LCORL: variants seen among roughly 807,000 people sequenced by gnomAD.
The protein encoded by LCORL is ligand-dependent nuclear receptor corepressor-like protein.
Under a neutral mutation model 141.8 loss-of-function variants are expected in LCORL, and 41 were observed. The observed-to-expected ratio is 0.29, with a 90% CI of 0.23 to 0.38. The LOEUF (loss-of-function observed/expected upper bound fraction) is 0.38, where lower values mean the gene tolerates loss of function less well. Among genes scored for constraint, LCORL ranks in the 10% least tolerant of loss-of-function variants. LCORL has a pLI of 1.00. For missense variants in LCORL, 1,759 were observed against 2,035.0 expected, an observed-to-expected ratio of 0.86 and a Z score of 2.61; for synonymous variants, 618 against 694.1, an observed-to-expected ratio of 0.89 and a Z score of 1.72.
At chr4:17,901,910 G>A (rs1170773109) in intron 5 of LCORL, among the ~76,000 whole-genome samples, 4 of 152,034 alleles carry the variant, frequency 2.6e-5, no homozygotes, top group Admixed American at 2.6e-4. Flanking sequence ...AACTAAATAT[G>A]AGTAAGAATA....
chr4:17,951,337 C>T (rs897370942), intron 4 of LCORL, among the ~76,000 whole-genome samples: 5 of 152,300 alleles, frequency 3.3e-5, no homozygotes, highest in Middle Eastern at 3.4e-3. Flanking sequence ...TCTAACTCCT[C>T]TTCCTGCTTT....
intron 7 of LCORL, among the ~76,000 whole-genome samples, chr4:17,848,972 T>A (rs1422739844): frequency 1.3e-5 from 2 of 152,150 alleles, no homozygotes; most frequent in Non-Finnish European, 2.9e-5. Context: ...GCAGCGAGGC[T>A]GGGGGAGGGG....
chr4:17,916,670 A>C (rs1013072602), intron 4 of LCORL, among the ~76,000 whole-genome samples: 1 of 116,074 alleles, frequency 8.6e-6, no homozygotes, highest in African/African-American at 3.2e-5. Context: ...TTTTTTTTAG[A>C]TAGTGTCCCC....
chr4:17,908,973 A>G, intron 5 of LCORL, 121 bp downstream of exon 5: 1 of 879,300 alleles, frequency 1.1e-6, no homozygotes, highest in Non-Finnish European at 1.7e-6. Flanking sequence ...ATATTACATA[A>G]GCAAATTAAA....
intron 1 of LCORL, among the ~76,000 whole-genome samples, chr4:17,994,077 TTAAA>T (rs1459483109): frequency 6.6e-6 from 1 of 152,112 alleles, no homozygotes; most frequent in Non-Finnish European, 1.5e-5. Context: ...GGGGCATAAA[TTAAA>T]CAAATATATC....
exon 8 of LCORL, chr4:17,841,668 ATT>A (rs1202312648): frequency 2.0e-5 from 3 of 151,906 alleles, no homozygotes; most frequent in Non-Finnish European, 4.4e-5. Flanking sequence ...ATATATTCAT[ATT>A]GTTTTATTCC....
intron 1 of LCORL, among the ~76,000 whole-genome samples, chr4:18,007,045 T>C (rs1257663270): frequency 6.6e-6 from 1 of 152,200 alleles, no homozygotes; most frequent in Non-Finnish European, 1.5e-5. Flanking sequence ...CCCTCTTCTC[T>C]GTTTCCACTA....
At chr4:17,929,109 C>T (rs1207484368) in intron 4 of LCORL, among the ~76,000 whole-genome samples, 1 of 152,030 alleles carries the variant, frequency 6.6e-6, no homozygotes, top group Non-Finnish European at 1.5e-5. Flanking sequence ...GAGTTGTACA[C>T]CGAAAACTGG....
At chr4:17,933,636 GA>G (rs932043438) in intron 4 of LCORL, among the ~76,000 whole-genome samples, 21 of 151,918 alleles carry the variant, frequency 1.4e-4, no homozygotes, top group African/African-American at 5.1e-4. Flanking sequence ...AATTCACTTT[GA>G]GGTGTTATGA....
intron 1 of LCORL, among the ~76,000 whole-genome samples, chr4:17,988,920 A>G (rs1719496827): frequency 6.6e-6 from 1 of 152,140 alleles, no homozygotes; most frequent in Admixed American, 6.5e-5. Flanking sequence ...GGAGGCAGAG[A>G]TTGCGGTGAG....
intron 6 of LCORL, chr4:17,881,961 A>C: frequency 3.1e-6 from 3 of 976,826 alleles, no homozygotes; most frequent in Non-Finnish European, 3.6e-6. Flanking sequence ...GTAATCTATT[A>C]TGTATATTTT....
At chr4:17,909,147 T>C in exon 5 of LCORL, 1 of 1,613,230 alleles carries the variant, frequency 6.2e-7, no homozygotes, top group Non-Finnish European at 8.5e-7. Flanking sequence ...TAAGGGGCCT[T>C]CCTGCTCTTC....
At chr4:17,863,399 A>G (rs934847648) in intron 7 of LCORL, among the ~76,000 whole-genome samples, 12 of 152,232 alleles carry the variant, frequency 7.9e-5, no homozygotes, top group Admixed American at 6.5e-4. Context: ...AAAATGCTCA[A>G]TATCACTAAT....
chr4:18,018,835 G>A (rs1408046637), intron 1 of LCORL, among the ~76,000 whole-genome samples: 1 of 152,056 alleles, frequency 6.6e-6, no homozygotes. Flanking sequence ...AAAAATGATT[G>A]TAAGCAATGA....
At chr4:17,854,238 C>A (rs1284262870) in intron 7 of LCORL, among the ~76,000 whole-genome samples, 1 of 152,116 alleles carries the variant, frequency 6.6e-6, no homozygotes, top group Admixed American at 6.6e-5. Context: ...AAAGTCACTA[C>A]CTTTTATGGG....
intron 1 of LCORL, among the ~76,000 whole-genome samples, chr4:18,020,282 T>TG (rs1036316839): frequency 2.6e-5 from 4 of 151,996 alleles, no homozygotes; most frequent in African/African-American, 9.7e-5. Context: ...TGCGAGGTGG[T>TG]GCCAGAGCAG....
intron 1 of LCORL, among the ~76,000 whole-genome samples, chr4:17,998,466 T>C (rs191046370): frequency 6.6e-6 from 1 of 152,222 alleles, no homozygotes; most frequent in East Asian, 1.9e-4. Context: ...ACCTTTTTTG[T>C]TAAAAACTAA....
chr4:18,003,270 AT>A (rs796658266), intron 1 of LCORL, among the ~76,000 whole-genome samples: 6 of 152,210 alleles, frequency 3.9e-5, no homozygotes, highest in African/African-American at 1.4e-4. Context: ...CCATATAAGA[AT>A]TTTTTGCATC....
chr4:17,844,632 G>C (rs1279932057), exon 8 of LCORL: 1 of 152,194 alleles, frequency 6.6e-6, no homozygotes, highest in East Asian at 1.9e-4. Context: ...GTGTTCTCCT[G>C]TGCTTCAGAT....
Sources: gnomAD v4.1 joint callset for allele counts (sites outside exome capture counted in the v4.1 genomes callset) on GRCh38, gnomAD v4.1.1 for gene constraint, MANE v1.5 for transcripts, NCBI Gene and HGNC (gene_info 2026-07-23, HGNC 2026-07-21) for gene names.